Variants in CAMTA1 observed in about 807,000 individuals in gnomAD.
CAMTA1 encodes the protein calmodulin binding transcription activator 1, also known as calmodulin-binding transcription activator 1.
Under a neutral mutation model 170.9 loss-of-function variants are expected in CAMTA1, and 27 were observed. The ratio of observed to expected loss-of-function variants is 0.16; its 90% CI spans 0.12 to 0.22. CAMTA1 has a LOEUF of 0.22. Among genes scored for constraint, CAMTA1 ranks in the 10% least tolerant of loss-of-function variants. CAMTA1 has a pLI of 1.00. For missense variants in CAMTA1, 1,619 were observed against 2,217.2 expected (o/e 0.73, Z 5.42); for synonymous variants, 833 against 891.5 (o/e 0.93, Z 1.17).
chr1:7,691,566 C>T (rs1017339975), intron 11 of CAMTA1, among the ~76,000 whole-genome samples: 3 of 152,058 alleles, frequency 2.0e-5, no homozygotes, highest in African/African-American at 4.8e-5. Context: ...TGAGAGCCAC[C>T]GAGGAGATGG....
intron 3 of CAMTA1, among the ~76,000 whole-genome samples, chr1:6,981,251 A>G (rs752291800): frequency 6.6e-6 from 1 of 152,232 alleles, no homozygotes; most frequent in Non-Finnish European, 1.5e-5. Flanking sequence ...AGAATTTCCA[A>G]TAAAGGATGT....
At chr1:7,636,291 C>T (rs372891872) in intron 6 of CAMTA1, among the ~76,000 whole-genome samples, 3 of 152,146 alleles carry the variant, frequency 2.0e-5, no homozygotes. Flanking sequence ...TGTTGATATG[C>T]CTTGGGGTAT....
intron 4 of CAMTA1, among the ~76,000 whole-genome samples, chr1:7,229,814 T>C (rs922557341): frequency 1.2e-4 from 18 of 152,116 alleles, no homozygotes; most frequent in Admixed American, 5.9e-4. Flanking sequence ...ATGTTCTTTA[T>C]AGAGAAGTTG....
At chr1:7,281,491 T>C (rs1271211205) in intron 5 of CAMTA1, among the ~76,000 whole-genome samples, 1 of 152,124 alleles carries the variant, frequency 6.6e-6, no homozygotes, top group African/African-American at 2.4e-5. Flanking sequence ...GAAAGAGAAG[T>C]CAAAGCAGCA....
intron 5 of CAMTA1, among the ~76,000 whole-genome samples, chr1:7,271,999 C>A (rs1303834916): frequency 6.6e-6 from 1 of 152,036 alleles, no homozygotes; most frequent in Non-Finnish European, 1.5e-5. Context: ...CATATGAATT[C>A]CCTGGTGAAT....
intron 5 of CAMTA1, among the ~76,000 whole-genome samples, chr1:7,394,868 G>GT (rs2089133669): frequency 3.0e-5 from 3 of 101,256 alleles, no homozygotes; most frequent in Non-Finnish European, 6.3e-5. Flanking sequence ...TGTGTGTGGT[G>GT]TTTCTTTTTT....
At chr1:6,875,584 C>G (rs545843368) in intron 3 of CAMTA1, among the ~76,000 whole-genome samples, 2 of 152,100 alleles carry the variant, frequency 1.3e-5, no homozygotes, top group Non-Finnish European at 2.9e-5. Flanking sequence ...TGTGCCTGGC[C>G]CAGACCTTTT....
intron 11 of CAMTA1, among the ~76,000 whole-genome samples, chr1:7,689,759 T>A (rs1279576793): frequency 6.6e-6 from 1 of 152,150 alleles, no homozygotes; most frequent in Non-Finnish European, 1.5e-5. Flanking sequence ...GGAAGTCACC[T>A]CCTGACTCCT....
In CAMTA1 at chr1:7,337,696, A is replaced by AATCACAAT. The variant is rs1303300892; in HGVS notation, c.438+88070_438+88071insATCACAAT. Among the ~76,000 whole-genome samples, 105 of 147,752 alleles carry AATCACAAT rather than the reference A, an allele frequency of 7.1e-4. 28 individuals carry two copies. The highest frequency in any genetic ancestry group is 2.6e-3 in the East Asian group (13 of 4,948). On this transcript the variant is annotated intron_variant, in intron 5 of 22. Transcript: ENST00000303635. Reference sequence around the variant, plus strand: ...ACAATGTGGGCGGTGGGCCTCATCCAGTCACAATGTGGGTGATGGGCCTCA... The same window carrying AATCACAAT: ...ACAATGTGGGCGGTGGGCCTCATCCAATCACAATGTCACAATGTGGGTGATGGGCCTCA...
intron 4 of CAMTA1, among the ~76,000 whole-genome samples, chr1:7,201,345 T>G (rs1375265102): frequency 6.6e-6 from 1 of 152,256 alleles, no homozygotes; most frequent in Non-Finnish European, 1.5e-5. Flanking sequence ...TAAACATTTG[T>G]GCACATGTTT....
At chr1:7,640,820 A>G (rs1282547345) in intron 7 of CAMTA1, among the ~76,000 whole-genome samples, 2 of 152,198 alleles carry the variant, frequency 1.3e-5, no homozygotes. Flanking sequence ...ATGTAGAGGA[A>G]GAAGCAGGCC....
At chr1:6,835,520 TCAAACACAGATTG>T (rs1652633944) in intron 3 of CAMTA1, among the ~76,000 whole-genome samples, 1 of 152,226 alleles carries the variant, frequency 6.6e-6, no homozygotes, top group Non-Finnish European at 1.5e-5. Context: ...GGAGGCTTGT[TCAAACACAGATTG>T]CTGGGCCCCA....
chr1:7,104,812 T>C (rs1310700212), intron 4 of CAMTA1, among the ~76,000 whole-genome samples: 2 of 152,178 alleles, frequency 1.3e-5, no homozygotes, highest in Non-Finnish European at 2.9e-5. Context: ...AAACTGTTAT[T>C]GATGATGATG....
chr1:7,624,733 C>G (rs1018826038), intron 6 of CAMTA1, among the ~76,000 whole-genome samples: 1 of 152,214 alleles, frequency 6.6e-6, no homozygotes, highest in Non-Finnish European at 1.5e-5. Context: ...CCTTCTGATG[C>G]ACACTCTGCT....
chr1:7,059,907 G>C (rs77423934), intron 3 of CAMTA1, among the ~76,000 whole-genome samples: 6,527 of 152,228 alleles, frequency 0.043, 239 homozygotes, highest in African/African-American at 0.095. Flanking sequence ...CCCTTGTTTA[G>C]AGAGGAGCAA....
intron 5 of CAMTA1, among the ~76,000 whole-genome samples, chr1:7,349,769 A>G (rs1439779949): frequency 6.6e-6 from 1 of 152,202 alleles, no homozygotes; most frequent in East Asian, 1.9e-4. Context: ...AAAAGGTCAC[A>G]TTCATAGGTT....
intron 5 of CAMTA1, among the ~76,000 whole-genome samples, chr1:7,458,300 A>G (rs1181295053): frequency 6.6e-6 from 1 of 152,106 alleles, no homozygotes; most frequent in Non-Finnish European, 1.5e-5. Context: ...TTCTAGCTTT[A>G]TCATGCCCCT....
intron 3 of CAMTA1, among the ~76,000 whole-genome samples, chr1:6,872,233 T>TCAC (rs35457975): frequency 0.14 from 20,999 of 150,052 alleles, 1,936 homozygotes; most frequent in Admixed American, 0.28. Flanking sequence ...ACCCTCACCA[T>TCAC]CACCACCACC....
chr1:7,467,961 G>C (rs1024593829), intron 6 of CAMTA1, 60 bp downstream of exon 6: 2 of 1,399,750 alleles, frequency 1.4e-6, no homozygotes, highest in Admixed American at 1.7e-5. Flanking sequence ...GTCTGTGGAG[G>C]GCACTGAGGG....
Sources: allele counts gnomAD v4.1 joint callset (sites outside exome capture counted in the v4.1 genomes callset), GRCh38; gene constraint gnomAD v4.1.1; transcripts MANE v1.5; gene names NCBI Gene and HGNC (gene_info 2026-07-23, HGNC 2026-07-21).